FOXN3: variants seen among roughly 807,000 people sequenced by gnomAD.
The protein encoded by FOXN3 is forkhead box N3.
Under a neutral mutation model 38.4 loss-of-function variants are expected in FOXN3, and 7 were observed. The observed-to-expected ratio is 0.18, with a 90% confidence interval of 0.10 to 0.34. FOXN3 has a LOEUF of 0.34. Ranked by LOEUF, FOXN3 falls within the 10% of genes least tolerant of loss-of-function variation. The pLI, the probability that FOXN3 is intolerant of heterozygous loss-of-function variation, is 1.00. For missense variants in FOXN3, 456 were observed against 613.4 expected, an observed-to-expected ratio of 0.74 and a Z score of 2.71; for synonymous variants, 230 against 242.2, an observed-to-expected ratio of 0.95 and a Z score of 0.47.
At chr14:89,532,567 G>C (rs1027860251) in intron 1 of FOXN3, among the ~76,000 whole-genome samples, 2 of 152,082 alleles carry the variant, frequency 1.3e-5, no homozygotes, top group African/African-American at 4.8e-5. Context: ...TAATGTGTGA[G>C]AACATTACAA....
intron 2 of FOXN3, among the ~76,000 whole-genome samples, chr14:89,394,810 G>T (rs889759825): frequency 1.3e-5 from 2 of 152,216 alleles, no homozygotes; most frequent in Non-Finnish European, 2.9e-5. Context: ...GATTCCAACT[G>T]CTGTGAGACA....
intron 4 of FOXN3, among the ~76,000 whole-genome samples, chr14:89,272,498 T>C (rs938500162): frequency 2.6e-5 from 4 of 152,214 alleles, no homozygotes; most frequent in African/African-American, 9.7e-5. Context: ...CAAAGACATA[T>C]TATTTTGGTA....
chr14:89,491,340 G>A (rs1319013947), intron 1 of FOXN3, among the ~76,000 whole-genome samples: 1 of 152,210 alleles, frequency 6.6e-6, no homozygotes, highest in African/African-American at 2.4e-5. Flanking sequence ...TTAAGTGAAC[G>A]CGGAGGATGG....
chr14:89,354,375 G>A (rs1278187507), intron 2 of FOXN3, among the ~76,000 whole-genome samples: 2 of 149,622 alleles, frequency 1.3e-5, no homozygotes, highest in African/African-American at 2.4e-5. Context: ...ACAGGCACCC[G>A]CCACCACGCC....
At chr14:89,260,632 G>C (rs1482478988) in intron 4 of FOXN3, among the ~76,000 whole-genome samples, 2 of 152,206 alleles carry the variant, frequency 1.3e-5, no homozygotes, top group Non-Finnish European at 2.9e-5. Context: ...TAAGGATATG[G>C]ATTGTATTTA....
intron 2 of FOXN3, among the ~76,000 whole-genome samples, chr14:89,385,116 C>T (rs1023277759): frequency 1.3e-5 from 2 of 152,128 alleles, no homozygotes; most frequent in African/African-American, 2.4e-5. Flanking sequence ...TATTTGCTTT[C>T]CCCTCTCTCT....
chr14:89,416,316 A>C (rs2140101733), intron 1 of FOXN3, among the ~76,000 whole-genome samples: 1 of 152,344 alleles, frequency 6.6e-6, no homozygotes, highest in Non-Finnish European at 1.5e-5. Context: ...TGCCGGTCAG[A>C]TGTCATAAAC....
chr14:89,441,565 G>T (rs1210055206), intron 1 of FOXN3, among the ~76,000 whole-genome samples: 1 of 152,122 alleles, frequency 6.6e-6, no homozygotes, highest in Non-Finnish European at 1.5e-5. Context: ...TCTAGGCTCT[G>T]CCCCAGACAC....
chr14:89,231,064 C>G (rs1239210143), intron 4 of FOXN3, among the ~76,000 whole-genome samples: 10 of 152,118 alleles, frequency 6.6e-5, no homozygotes, highest in Non-Finnish European at 2.9e-5. Context: ...CCATTTATTA[C>G]TTGATGAGGA....
chr14:89,219,205 G>A (rs1331899446), intron 4 of FOXN3, among the ~76,000 whole-genome samples: 1 of 152,072 alleles, frequency 6.6e-6, no homozygotes, highest in East Asian at 1.9e-4. Flanking sequence ...TCCCCATCTC[G>A]TGACAGTGAG....
chr14:89,346,445 G>A (rs1415306449), intron 3 of FOXN3, among the ~76,000 whole-genome samples: 1 of 152,142 alleles, frequency 6.6e-6, no homozygotes, highest in Non-Finnish European at 1.5e-5. Context: ...GGGCTTTGAG[G>A]AGTGAGGATC....
intron 1 of FOXN3, among the ~76,000 whole-genome samples, chr14:89,525,601 C>A (rs1894416986): frequency 2.0e-5 from 3 of 149,654 alleles, no homozygotes; most frequent in Non-Finnish European, 4.4e-5. Context: ...TTCTTTATTC[C>A]CTTACTATCT....
At chr14:89,212,365 TG>T (rs1884123514) in intron 4 of FOXN3, among the ~76,000 whole-genome samples, 1 of 152,184 alleles carries the variant, frequency 6.6e-6, no homozygotes, top group South Asian at 2.1e-4. Flanking sequence ...GCTGGGGTTC[TG>T]GGGGTAAATT....
chr14:89,344,467 T>G (rs1244932866), intron 3 of FOXN3, among the ~76,000 whole-genome samples: 1 of 152,212 alleles, frequency 6.6e-6, no homozygotes, highest in Admixed American at 6.5e-5. Flanking sequence ...ATGCAAAACC[T>G]GTTCTCCAAC....
At chr14:89,495,898 G>A (rs909648683) in intron 1 of FOXN3, among the ~76,000 whole-genome samples, 23 of 152,160 alleles carry the variant, frequency 1.5e-4, no homozygotes, top group African/African-American at 5.6e-4. Context: ...CACCTGATCC[G>A]ATGTTCTCTA....
intron 1 of FOXN3, among the ~76,000 whole-genome samples, chr14:89,603,948 G>A (rs1459126220): frequency 6.6e-6 from 1 of 152,080 alleles, no homozygotes; most frequent in Non-Finnish European, 1.5e-5. Context: ...AAAAATAAGT[G>A]CTAAGTAGAA....
intron 4 of FOXN3, among the ~76,000 whole-genome samples, chr14:89,187,298 C>A (rs2139803837): frequency 6.6e-6 from 1 of 152,314 alleles, no homozygotes; most frequent in Middle Eastern, 3.4e-3. Context: ...AGCCATAGCA[C>A]CAGCCCACGG....
At chr14:89,396,432 T>C (rs1288909142) in intron 2 of FOXN3, among the ~76,000 whole-genome samples, 1 of 152,204 alleles carries the variant, frequency 6.6e-6, no homozygotes, top group African/African-American at 2.4e-5. Context: ...AGATTCTTCA[T>C]GTATAAACCA....
rs144412123 is a variant in FOXN3 at position 89,613,560 on chromosome 14, C to G, written c.-15+5468G>C. On this transcript the variant is annotated intron_variant, in intron 1 of 6. Coordinates refer to the FOXN3 transcript ENST00000345097. Reference sequence around the variant, plus strand: ...ATCATTTCGATCATTTCATCGTTACCACAGCCAACTATTTGGTCCTTATGC... The same window carrying G: ...ATCATTTCGATCATTTCATCGTTACGACAGCCAACTATTTGGTCCTTATGC... Among the ~76,000 whole-genome samples, 241 of 152,296 alleles carry G rather than the reference C, an allele frequency of 1.6e-3. 1 individual carries two copies. Among genetic ancestry groups the G allele is most frequent in the African/African-American group, 5.5e-3 (229 of 41,554 alleles).
Sources: allele counts gnomAD v4.1 joint callset (sites outside exome capture counted in the v4.1 genomes callset), GRCh38; gene constraint gnomAD v4.1.1; transcripts MANE v1.5; gene names NCBI Gene and HGNC (gene_info 2026-07-23, HGNC 2026-07-21).